The following PRKAR1B variants were observed in gnomAD, a reference collection of about 807,000 sequenced individuals.
PRKAR1B encodes the protein protein kinase cAMP-dependent type I regulatory subunit beta.
A neutral mutation model predicts 46.5 loss-of-function variants in PRKAR1B; 22 were observed. That is an observed-to-expected ratio of 0.47 (90% CI 0.34 to 0.68). The LOEUF is 0.68. Among genes scored for constraint, PRKAR1B ranks in the 30% least tolerant of loss-of-function variants. The probability of loss-of-function intolerance (pLI) is 0.01; values close to 1 mark genes in which losing one functional copy is unlikely to be tolerated. For missense variants in PRKAR1B, 445 were observed against 535.6 expected (o/e 0.83, Z 1.67); for synonymous variants, 259 against 217.7 (o/e 1.19, Z -1.67).
chr7:552,961 G>A (rs542531526), intron 9 of PRKAR1B, among the ~76,000 whole-genome samples: 130 of 152,272 alleles, frequency 8.5e-4, no homozygotes, highest in Non-Finnish European at 1.6e-3. Flanking sequence ...CACAGAGGCC[G>A]TGGGCAGCAT....
intron 1 of PRKAR1B, among the ~76,000 whole-genome samples, chr7:713,718 T>TCTCCCACTCACCTGC (rs1780774178): frequency 1.3e-5 from 2 of 152,178 alleles, no homozygotes; most frequent in African/African-American, 4.8e-5. Flanking sequence ...TGCTCAGCTG[T>TCTCCCACTCACCTGC]CTCCCACTCA....
intron 4 of PRKAR1B, among the ~76,000 whole-genome samples, chr7:649,838 C>G (rs1364821766): frequency 6.6e-6 from 1 of 151,880 alleles, no homozygotes; most frequent in African/African-American, 2.4e-5. Flanking sequence ...GTAGCTGGGA[C>G]CACAGGCAAG....
At chr7:575,571 G>A in intron 9 of PRKAR1B, among the ~76,000 whole-genome samples, 1 of 152,036 alleles carries the variant, frequency 6.6e-6, no homozygotes. Context: ...TTTGAGACAG[G>A]GTCTCTCTCT....
chr7:662,986 G>A (rs768175744), intron 4 of PRKAR1B, among the ~76,000 whole-genome samples: 2 of 152,198 alleles, frequency 1.3e-5, no homozygotes, highest in Non-Finnish European at 2.9e-5. Context: ...AAAGATCTAA[G>A]AGTGTTCAAT....
intron 4 of PRKAR1B, among the ~76,000 whole-genome samples, chr7:614,517 G>C (rs541659058): frequency 6.6e-6 from 1 of 152,212 alleles, no homozygotes; most frequent in African/African-American, 2.4e-5. Flanking sequence ...CACTTTGGGA[G>C]ACCGGGCACC....
chr7:552,723 C>A (rs529533595), intron 9 of PRKAR1B, among the ~76,000 whole-genome samples: 3 of 152,202 alleles, frequency 2.0e-5, no homozygotes, highest in African/African-American at 7.2e-5. Flanking sequence ...CGGGAGGGGA[C>A]GCGCTGGGAC....
chr7:727,922 T>A (rs1264718975), upstream of PRKAR1B, among the ~76,000 whole-genome samples: 1 of 151,416 alleles, frequency 6.6e-6, no homozygotes. Flanking sequence ...GGGTGTGCCC[T>A]GATAGCTGCC....
In PRKAR1B at chr7:592,709, C is replaced by A. The variant is rs144725262; in HGVS notation, c.708+3437G>T. Reference sequence around the variant, plus strand: ...GGTCCTGGGTAAGGATCAGGGTGAACAGAGGACTCCAAAGCTTACAAGAAA... The same window carrying A: ...GGTCCTGGGTAAGGATCAGGGTGAAAAGAGGACTCCAAAGCTTACAAGAAA... On this transcript the variant is annotated intron_variant, in intron 7 of 10. Coordinates refer to ENST00000537384, the MANE Select transcript of PRKAR1B (RefSeq NM_001164760.2). Among the ~76,000 whole-genome samples, 566 of 152,306 alleles carry A rather than the reference C, an allele frequency of 3.7e-3. 4 individuals carry two copies. Among genetic ancestry groups the A allele is most frequent in the East Asian group, 0.037 (191 of 5,178 alleles).
rs138169760 is a variant in PRKAR1B at position 549,529 on chromosome 7, C to G, written c.*901G>C. ...CACCCTTTCGGGCCTGGCTGGCTCA[C>G]GTCATCACTGCGGGATCCAAGACAC... On this transcript the variant is annotated 3_prime_UTR_variant, in exon 11 of 11. Coordinates refer to ENST00000537384, the MANE Select transcript of PRKAR1B (RefSeq NM_001164760.2). 1 of 152,480 alleles carries G rather than the reference C, an allele frequency of 6.6e-6. No homozygotes were observed. Among genetic ancestry groups the G allele is most frequent in the Non-Finnish European group, 1.5e-5 (1 of 68,114 alleles). The allele number at this position is 152,480 out of a possible 1,614,324, so 9.4% of individuals were successfully genotyped here. A position where few individuals can be genotyped will look rare whatever the true frequency, so the allele number is the denominator to read the frequency against.
chr7:659,651 A>C (rs1785397723), intron 4 of PRKAR1B, among the ~76,000 whole-genome samples: 1 of 152,216 alleles, frequency 6.6e-6, no homozygotes, highest in Non-Finnish European at 1.5e-5. Context: ...CCGGCAGGAC[A>C]GCAAGAGGCT....
At chr7:674,444 T>C (rs1786467332) in intron 4 of PRKAR1B, among the ~76,000 whole-genome samples, 1 of 149,562 alleles carries the variant, frequency 6.7e-6, no homozygotes, top group Non-Finnish European at 1.5e-5. Flanking sequence ...CACCCAGATA[T>C]TCCAGCCATG....
Position 680,795 on chromosome 7 carries a change from G to A in PRKAR1B, c.178-69C>T, listed in dbSNP as rs566716153. ...TGTCCCGGCCAGGCACAGGGCCCAT[G>A]CCTGTGATCCCAGCACTGTGGGAGG... On this transcript the variant is annotated intron_variant, in intron 2 of 10. Coordinates refer to ENST00000537384, the MANE Select transcript of PRKAR1B (RefSeq NM_001164760.2). 1.1e-5 allele frequency: 17 copies of A among 1,561,572 alleles called. No homozygotes were observed. In the East Asian group the frequency reaches 1.8e-4, roughly 17 times the overall value.
At chr7:690,423 A>G (rs531060380) in intron 2 of PRKAR1B, among the ~76,000 whole-genome samples, 1 of 152,100 alleles carries the variant, frequency 6.6e-6, no homozygotes, top group Admixed American at 6.5e-5. Context: ...ATCCCCACGT[A>G]ACAAACCTGC....
intron 9 of PRKAR1B, among the ~76,000 whole-genome samples, chr7:571,929 C>T (rs538689339): frequency 2.0e-5 from 3 of 152,362 alleles, no homozygotes; most frequent in Non-Finnish European, 4.4e-5. Context: ...AGGCCCTGGA[C>T]GCCACTCTCA....
chr7:678,254 G>A (rs1418901803), intron 3 of PRKAR1B, among the ~76,000 whole-genome samples: 2 of 152,118 alleles, frequency 1.3e-5, no homozygotes, highest in Non-Finnish European at 2.9e-5. Context: ...GAGTGACAGA[G>A]GGAGAATTTG....
intron 8 of PRKAR1B, among the ~76,000 whole-genome samples, chr7:583,069 G>C (rs9770081): frequency 1.3e-5 from 2 of 151,662 alleles, no homozygotes; most frequent in Admixed American, 6.6e-5. Context: ...GGGAGGGCAG[G>C]GGGGGTGACG....
At position 584,496 on chromosome 7, in the gene PRKAR1B, G is replaced by T; in HGVS notation, c.769+12C>A. The T allele has an allele frequency of 6.2e-7, 1 of 1,612,334 alleles. No homozygotes were observed. Among genetic ancestry groups the T allele is most frequent in the South Asian group, 1.1e-5 (1 of 90,966 alleles). ...TCGGGACACACAGCCGTGCAGGGGC[G>T]CAGCCACTGACCTAGGATGGAGACC... On this transcript the variant is annotated intron_variant, in intron 8 of 10. Transcript: ENST00000537384.
At position 561,086 on chromosome 7, in the gene PRKAR1B, ACT is replaced by A. The variant is rs1247640141; in HGVS notation, c.892-9618_892-9617del. On this transcript the variant is annotated intron_variant, in intron 9 of 10. Coordinates refer to ENST00000537384, the MANE Select transcript of PRKAR1B (RefSeq NM_001164760.2). Reference sequence around the variant, plus strand: ...CACGCAAACACCTGCGCACACACACACTGGTACGTGCATACATGCACACACAC... The same window carrying A: ...CACGCAAACACCTGCGCACACACACAGGTACGTGCATACATGCACACACAC... Among the ~76,000 whole-genome samples the A allele has an allele frequency of 4.6e-5, 7 of 152,044 alleles. No individual in the cohort carries two copies. In the East Asian group the frequency reaches 1.4e-3, roughly 29 times the overall value.
At chr7:700,730 A>G (rs754998738) in intron 2 of PRKAR1B, among the ~76,000 whole-genome samples, 7 of 152,192 alleles carry the variant, frequency 4.6e-5, no homozygotes, top group Non-Finnish European at 1.0e-4. Flanking sequence ...AAGAGGAGGA[A>G]CTACCAAATA....
Sources: allele counts gnomAD v4.1 joint callset (sites outside exome capture counted in the v4.1 genomes callset), GRCh38; gene constraint gnomAD v4.1.1; transcripts MANE v1.5; gene names NCBI Gene and HGNC (gene_info 2026-07-23, HGNC 2026-07-21).